KCNJ3: variants seen among roughly 807,000 people sequenced by gnomAD.
The protein encoded by KCNJ3 is potassium inwardly rectifying channel subfamily J member 3.
In KCNJ3, 4 loss-of-function variants were observed where a neutral mutation model predicts 39.2. That is an observed-to-expected ratio of 0.10 (90% CI 0.05 to 0.23). The LOEUF (loss-of-function observed/expected upper bound fraction) is 0.23. Among genes scored for constraint, KCNJ3 ranks in the 10% least tolerant of loss-of-function variants. KCNJ3 has a pLI of 1.00. For synonymous variants in KCNJ3, 230 were observed against 237.4 expected, an observed-to-expected ratio of 0.97 and a Z score of 0.29; for missense variants, 276 against 634.9, an observed-to-expected ratio of 0.43 and a Z score of 6.08.
At chr2:154,822,500 A>G (rs1228900910) in intron 2 of KCNJ3, among the ~76,000 whole-genome samples, 1 of 152,186 alleles carries the variant, frequency 6.6e-6, no homozygotes, top group East Asian at 1.9e-4. Flanking sequence ...TACAAATAAA[A>G]TAGTTTTCTT....
At chr2:154,779,386 C>G (rs1051287353) in intron 2 of KCNJ3, among the ~76,000 whole-genome samples, 1 of 149,822 alleles carries the variant, frequency 6.7e-6, no homozygotes, top group African/African-American at 2.4e-5. Context: ...CTAAAGGACT[C>G]AAATCCTTGG....
Position 154,698,863 on chromosome 2 carries a change from G to A in KCNJ3, c.88G>A (p.Gly30Ser). 6.2e-7 allele frequency: 1 copy of A among 1,614,222 alleles called. No individual in the cohort carries two copies. Among genetic ancestry groups the A allele is most frequent in the Non-Finnish European group, 8.5e-7 (1 of 1,180,048 alleles). Residue 30 changes from glycine to serine, a missense_variant, in exon 1 of 3, where the codon GGC becomes AGC. Around this residue, in one of 4 missense-constraint regions of KCNJ3, gnomAD observed 27 missense variants for 48.5 expected, o/e 0.56. Transcript: ENST00000295101. ...SGSGLQPQGPGQDPQQQLVPK... is the reference protein window; with the variant it reads ...SGSGLQPQGPSQDPQQQLVPK... The stretch of plus-strand genomic sequence containing the variant: ...CTCGGGCTTGCAGCCCCAGGGGCCA[G>A]GCCAGGACCCTCAGCAGCAGCTTGT...
chr2:154,765,472 C>T (rs1686118331), intron 2 of KCNJ3, among the ~76,000 whole-genome samples: 1 of 152,164 alleles, frequency 6.6e-6, no homozygotes, highest in African/African-American at 2.4e-5. Flanking sequence ...CTGCCTGGTT[C>T]CCTACTGTAT....
At chr2:154,768,846 G>A (rs1428304677) in intron 2 of KCNJ3, among the ~76,000 whole-genome samples, 2 of 152,130 alleles carry the variant, frequency 1.3e-5, no homozygotes, top group Admixed American at 6.6e-5. Flanking sequence ...ATTTGTTTGT[G>A]TCCTCTTTTA....
chr2:154,701,949 T>G (rs1010358092), intron 1 of KCNJ3, among the ~76,000 whole-genome samples: 2 of 151,990 alleles, frequency 1.3e-5, no homozygotes, highest in Non-Finnish European at 2.9e-5. Context: ...TTCCTTAGAC[T>G]TCATTAAAAA....
At chr2:154,713,240 T>C (rs1053739066) in intron 2 of KCNJ3, among the ~76,000 whole-genome samples, 1 of 152,144 alleles carries the variant, frequency 6.6e-6, no homozygotes, top group Non-Finnish European at 1.5e-5. Context: ...GTGGGTTGCA[T>C]GTAGTTAATT....
At chr2:154,723,399 A>ACAC (rs1685297028) in intron 2 of KCNJ3, among the ~76,000 whole-genome samples, 1 of 152,196 alleles carries the variant, frequency 6.6e-6, no homozygotes, top group Non-Finnish European at 1.5e-5. Flanking sequence ...AGTAAGGTGT[A>ACAC]AGCTAGAAAT....
At chr2:154,728,979 G>A (rs1014091971) in intron 2 of KCNJ3, among the ~76,000 whole-genome samples, 2 of 152,028 alleles carry the variant, frequency 1.3e-5, no homozygotes, top group African/African-American at 4.8e-5. Context: ...ATTAGTAATT[G>A]TCATTTTTGT....
chr2:154,758,063 T>G (rs1329328446), intron 2 of KCNJ3, among the ~76,000 whole-genome samples: 1 of 152,194 alleles, frequency 6.6e-6, no homozygotes, highest in Non-Finnish European at 1.5e-5. Flanking sequence ...GGACATAATT[T>G]CTACTAGATA....
intron 2 of KCNJ3, among the ~76,000 whole-genome samples, chr2:154,714,704 T>C (rs188027751): frequency 1.3e-5 from 2 of 152,330 alleles, no homozygotes; most frequent in East Asian, 1.9e-4. Flanking sequence ...AGCTATTTTA[T>C]CCCTGCCCCC....
intron 2 of KCNJ3, among the ~76,000 whole-genome samples, chr2:154,774,077 TTATTA>T (rs1215270215): frequency 6.6e-6 from 1 of 152,160 alleles, no homozygotes; most frequent in Non-Finnish European, 1.5e-5. Flanking sequence ...CTCTCCTATT[TTATTA>T]TGTTTAAAAT....
chr2:154,782,633 C>T (rs1686458004), intron 2 of KCNJ3, among the ~76,000 whole-genome samples: 1 of 151,858 alleles, frequency 6.6e-6, no homozygotes, highest in Non-Finnish European at 1.5e-5. Flanking sequence ...AATCTGTGTC[C>T]CCAACTGCTT....
At chr2:154,710,831 C>T (rs1365013199) in intron 2 of KCNJ3, among the ~76,000 whole-genome samples, 1 of 152,130 alleles carries the variant, frequency 6.6e-6, no homozygotes, top group Non-Finnish European at 1.5e-5. Context: ...GGTGGAAGAT[C>T]CTCAATTATG....
chr2:154,731,602 C>CT (rs1553455401), intron 2 of KCNJ3, among the ~76,000 whole-genome samples: 1 of 151,196 alleles, frequency 6.6e-6, no homozygotes. Flanking sequence ...ATAACTCATG[C>CT]TTTTTTGTTT....
At chr2:154,822,502 A>G (rs990592853) in intron 2 of KCNJ3, among the ~76,000 whole-genome samples, 6 of 152,200 alleles carry the variant, frequency 3.9e-5, no homozygotes, top group Admixed American at 2.6e-4. Context: ...CAAATAAAAT[A>G]GTTTTCTTTC....
chr2:154,729,893 T>C (rs1195719078), intron 2 of KCNJ3, among the ~76,000 whole-genome samples: 1 of 151,910 alleles, frequency 6.6e-6, no homozygotes, highest in Non-Finnish European at 1.5e-5. Flanking sequence ...AATAGCTGAG[T>C]GTTTATTTTT....
At chr2:154,711,382 A>G (rs1225047057) in intron 2 of KCNJ3, among the ~76,000 whole-genome samples, 1 of 152,014 alleles carries the variant, frequency 6.6e-6, no homozygotes, top group South Asian at 2.1e-4. Flanking sequence ...ACATCTGCTT[A>G]TAGTTTACCA....
chr2:154,702,172 T>C (rs922194728), intron 1 of KCNJ3, among the ~76,000 whole-genome samples: 9 of 151,974 alleles, frequency 5.9e-5, no homozygotes, highest in Non-Finnish European at 1.2e-4. Context: ...TTACACACAA[T>C]TTCCCCCTTT....
intron 1 of KCNJ3, among the ~76,000 whole-genome samples, chr2:154,708,107 T>C (rs1685043454): frequency 6.6e-6 from 1 of 151,968 alleles, no homozygotes; most frequent in Non-Finnish European, 1.5e-5. Context: ...AGTAATCATT[T>C]TTTTCATAGC....
Sources: gnomAD v4.1 joint callset for allele counts (sites outside exome capture counted in the v4.1 genomes callset) on GRCh38, gnomAD v4.1.1 for gene constraint, gnomAD v4.1.1 regional missense constraint, MANE v1.5 for transcripts, NCBI Gene and HGNC (gene_info 2026-07-23, HGNC 2026-07-21) for gene names.